Variants in SHANK2 observed in about 807,000 individuals in gnomAD.
SHANK2 encodes the protein SH3 and multiple ankyrin repeat domains protein 2.
Under a neutral mutation model 133.7 loss-of-function variants are expected in SHANK2, and 43 were observed. That is an observed-to-expected ratio of 0.32 (90% confidence interval 0.25 to 0.41). The LOEUF is 0.41. Ranked by LOEUF, SHANK2 falls within the 10% of genes least tolerant of loss-of-function variation. The probability of loss-of-function intolerance (pLI) is 1.00; values close to 1 mark genes in which losing one functional copy is unlikely to be tolerated. For synonymous variants in SHANK2, 1,017 were observed against 952.8 expected (o/e 1.07, Z -1.24); for missense variants, 1,994 against 2,235.8 (o/e 0.89, Z 2.18).
At chr11:70,797,459 G>A (rs1252460073) in intron 14 of SHANK2, among the ~76,000 whole-genome samples, 1 of 152,212 alleles carries the variant, frequency 6.6e-6, no homozygotes, top group African/African-American at 2.4e-5. Flanking sequence ...CAAGATCTCA[G>A]ACAGAAAACC....
chr11:70,948,329 G>A (rs1950782714), intron 10 of SHANK2: 1 of 457,154 alleles, frequency 2.2e-6, no homozygotes, highest in Non-Finnish European at 4.4e-6. Context: ...AGCAGAGTGT[G>A]GTGTGGCTCA....
intron 14 of SHANK2, among the ~76,000 whole-genome samples, chr11:70,774,879 C>A (rs1403925129): frequency 6.6e-6 from 1 of 152,112 alleles, no homozygotes; most frequent in Non-Finnish European, 1.5e-5. Context: ...TGATTTTAGG[C>A]CAGGTGTGGT....
rs1945453776 is a variant in SHANK2 at position 70,698,714 on chromosome 11, G to C, written c.1827C>G (p.Gly609=). ...TGGAAGTGTCGAAGCTGTCATAGGA[G>C]CCCACGGTGTAGTGCCTGAAAAGCT... ...SKKLFRHYTV[G]SYDSFDTSSD... is the part of the protein sequence containing the mutation. The change falls in exon 15 of 26, where the codon GGC becomes GGG. Residue 609 remains glycine, a synonymous_variant. Coordinates refer to ENST00000601538, the MANE Select transcript of SHANK2 (RefSeq NM_012309.5). The C allele has an allele frequency of 5.6e-6, 4 of 718,566 alleles. No homozygotes were observed. The highest frequency in any genetic ancestry group is 7.8e-6 in the Non-Finnish European group (3 of 385,130). The allele number at this position is 718,566 out of a possible 1,614,324, so 44.5% of individuals were successfully genotyped here.
intron 12 of SHANK2, among the ~76,000 whole-genome samples, chr11:70,811,252 G>A (rs1948271876): frequency 1.3e-5 from 2 of 152,168 alleles, no homozygotes; most frequent in Non-Finnish European, 2.9e-5. Context: ...CACAGGGTCT[G>A]TTCACAACTG....
At chr11:71,119,998 A>G (rs782800323) in intron 3 of SHANK2, among the ~76,000 whole-genome samples, 1 of 152,118 alleles carries the variant, frequency 6.6e-6, no homozygotes, top group African/African-American at 2.4e-5. Flanking sequence ...TGCAGTCATC[A>G]CCTCTCCTCC....
At chr11:70,928,791 AC>A (rs1555082036) in intron 10 of SHANK2, among the ~76,000 whole-genome samples, 1 of 152,112 alleles carries the variant, frequency 6.6e-6, no homozygotes, top group Non-Finnish European at 1.5e-5. Flanking sequence ...ACGACCGTGA[AC>A]CCGGACAGGT....
At chr11:70,583,968 C>T (rs1165575358) in intron 17 of SHANK2, among the ~76,000 whole-genome samples, 7 of 152,352 alleles carry the variant, frequency 4.6e-5, no homozygotes, top group African/African-American at 1.7e-4. Context: ...AGCCCTCCTG[C>T]TTCCCTCTAA....
At chr11:70,767,743 G>C (rs1555041730) in intron 14 of SHANK2, among the ~76,000 whole-genome samples, 2 of 151,626 alleles carry the variant, frequency 1.3e-5, no homozygotes, top group African/African-American at 4.9e-5. Flanking sequence ...TTTCTTTTTG[G>C]GGTGATGGAA....
intron 15 of SHANK2, among the ~76,000 whole-genome samples, chr11:70,663,353 G>A (rs1372886830): frequency 6.6e-6 from 1 of 152,116 alleles, no homozygotes; most frequent in East Asian, 1.9e-4. Flanking sequence ...GAGGGACGGG[G>A]CAAACGTGGA....
intron 2 of SHANK2, among the ~76,000 whole-genome samples, chr11:71,162,753 G>A (rs1355848855): frequency 2.6e-5 from 4 of 152,112 alleles, no homozygotes; most frequent in Non-Finnish European, 5.9e-5. Context: ...AAACTGATGA[G>A]AACAAGTGGC....
At chr11:70,629,966 T>C (rs1348591942) in intron 17 of SHANK2, among the ~76,000 whole-genome samples, 2 of 151,926 alleles carry the variant, frequency 1.3e-5, no homozygotes, top group Non-Finnish European at 2.9e-5. Flanking sequence ...CTGCTAGGAG[T>C]GACCAGGAGA....
At chr11:71,104,191 ATCAT>A (rs1951768248) in intron 6 of SHANK2, among the ~76,000 whole-genome samples, 1 of 152,176 alleles carries the variant, frequency 6.6e-6, no homozygotes, top group East Asian at 1.9e-4. Context: ...CGTAGGTGTT[ATCAT>A]TCAATTTAGG....
chr11:71,109,711 C>T (rs1406066568), intron 6 of SHANK2, among the ~76,000 whole-genome samples: 2 of 152,270 alleles, frequency 1.3e-5, no homozygotes, highest in Non-Finnish European at 2.9e-5. Flanking sequence ...CTGCACTGAA[C>T]ACCTGCCGTG....
At chr11:70,825,982 T>C (rs569535694) in intron 11 of SHANK2, among the ~76,000 whole-genome samples, 1 of 152,292 alleles carries the variant, frequency 6.6e-6, no homozygotes, top group Admixed American at 6.5e-5. Flanking sequence ...ACTTTTAAAG[T>C]TGGCCACGCT....
At chr11:71,083,632 A>C (rs1417490501) in intron 8 of SHANK2, among the ~76,000 whole-genome samples, 1 of 152,138 alleles carries the variant, frequency 6.6e-6, no homozygotes. Flanking sequence ...AGGGAGGGAG[A>C]GAGCCAGGCT....
Position 70,733,069 on chromosome 11 carries a change from G to A in SHANK2, c.1778-34306C>T, listed in dbSNP as rs570761339. 4.5e-4 allele frequency among the ~76,000 whole-genome samples: 68 copies of A among 152,318 alleles called. 1 individual carries two copies. The East Asian group carries it at 9.9e-3, about 22-fold the overall frequency. The stretch of plus-strand genomic sequence containing the variant: ...TGGGCGGGGTGGGAGAGACAGACGC[G>A]GAGCAGATCATCTCAACTGAGTGGG... On this transcript the variant is annotated intron_variant, in intron 14 of 25. Coordinates refer to ENST00000601538, the MANE Select transcript of SHANK2 (RefSeq NM_012309.5).
chr11:70,789,362 T>A (rs1338788075), intron 14 of SHANK2, among the ~76,000 whole-genome samples: 2 of 152,336 alleles, frequency 1.3e-5, no homozygotes, highest in East Asian at 3.9e-4. Context: ...CTAGATCCTA[T>A]GCTTATGGCT....
At chr11:70,809,380 G>T (rs1197522913) in intron 12 of SHANK2, among the ~76,000 whole-genome samples, 2 of 152,170 alleles carry the variant, frequency 1.3e-5, no homozygotes, top group East Asian at 3.8e-4. Context: ...AGGCTTGCAG[G>T]GAAAGTTCTA....
intron 11 of SHANK2, among the ~76,000 whole-genome samples, chr11:70,874,487 C>CACA (rs1165045201): frequency 6.6e-6 from 1 of 152,148 alleles, no homozygotes; most frequent in Non-Finnish European, 1.5e-5. Context: ...GAACTACAGG[C>CACA]ACATGCCCTT....
Sources: gnomAD v4.1 joint callset for allele counts (sites outside exome capture counted in the v4.1 genomes callset) on GRCh38, gnomAD v4.1.1 for gene constraint, MANE v1.5 for transcripts, NCBI Gene and HGNC (gene_info 2026-07-23, HGNC 2026-07-21) for gene names.